The following TP73 variants were observed in gnomAD, a reference collection of about 807,000 sequenced individuals.
The protein encoded by TP73 is tumor protein p73, also known as p53-like transcription factor.
Under a neutral mutation model 62.5 loss-of-function variants are expected in TP73, and 25 were observed. The observed-to-expected ratio is 0.40, with a 90% CI of 0.29 to 0.56. The LOEUF is 0.56. TP73 is among the 20% of genes least tolerant of loss of function. TP73 has a pLI of 0.46. For synonymous variants in TP73, 423 were observed against 377.5 expected, an observed-to-expected ratio of 1.12 and a Z score of -1.40; for missense variants, 754 against 913.3, an observed-to-expected ratio of 0.83 and a Z score of 2.25.
At chr1:3,718,277 C>G (rs1289564143) in intron 4 of TP73, among the ~76,000 whole-genome samples, 1 of 152,226 alleles carries the variant, frequency 6.6e-6, no homozygotes, top group Non-Finnish European at 1.5e-5. Context: ...CTCTTGCAGA[C>G]GGGAGTCCCT....
chr1:3,713,027 C>T (rs552099967), intron 4 of TP73, among the ~76,000 whole-genome samples: 225 of 152,338 alleles, frequency 1.5e-3, no homozygotes, highest in African/African-American at 4.6e-3. Flanking sequence ...GAGGTGCTGA[C>T]ACCTCAGAGG....
chr1:3,730,806 C>A, intron 11 of TP73, 121 bp from the exon 12 acceptor site: 1 of 1,306,286 alleles, frequency 7.7e-7, no homozygotes, highest in Non-Finnish European at 1.0e-6. Flanking sequence ...TGATGCCCAG[C>A]GTCACATCGC....
At position 3,653,185 on chromosome 1, in the gene TP73, T is replaced by G. The variant is rs966358749; in HGVS notation, c.-34+544T>G. ...CGGGGGCCTTGACCCATGGAGTTGGTTACTAAGCGGTTTCGATGGTTTCCC... is the reference window on the plus strand; with the variant it reads ...CGGGGGCCTTGACCCATGGAGTTGGGTACTAAGCGGTTTCGATGGTTTCCC... On this transcript the variant is annotated intron_variant, in intron 1 of 13. Transcript: ENST00000378295. 5.3e-5 allele frequency among the ~76,000 whole-genome samples: 8 copies of G among 152,352 alleles called. No homozygotes were observed. In the East Asian group the frequency reaches 1.5e-3, roughly 29 times the overall value.
At position 3,664,251 on chromosome 1, in the gene TP73, G is replaced by A. The variant is rs571732276; in HGVS notation, c.-34+11610G>A. On this transcript the variant is annotated intron_variant, in intron 1 of 13. Coordinates refer to ENST00000378295, the MANE Select transcript of TP73 (RefSeq NM_005427.4). The stretch of plus-strand genomic sequence containing the variant: ...CAGCCCAGGGTGTGTCCCCCTACCA[G>A]AGGCGCTGCATTGGATAGGAAGGAC... 1.3e-5 allele frequency among the ~76,000 whole-genome samples: 2 copies of A among 152,316 alleles called. 1 individual carries two copies. Among genetic ancestry groups the A allele is most frequent in the South Asian group, 4.1e-4 (2 of 4,830 alleles).
chr1:3,728,497 C>T (rs1280476011), intron 9 of TP73, among the ~76,000 whole-genome samples: 1 of 152,206 alleles, frequency 6.6e-6, no homozygotes, highest in Non-Finnish European at 1.5e-5. Flanking sequence ...TAGGGTGGTG[C>T]GGAGTGCCAC....
chr1:3,664,437 C>T (rs1645067449), intron 1 of TP73, among the ~76,000 whole-genome samples: 2 of 152,168 alleles, frequency 1.3e-5, no homozygotes, highest in South Asian at 4.1e-4. Context: ...CAGGCTGCCC[C>T]TCCTGCAGGA....
At chr1:3,690,840 C>T in intron 3 of TP73, 1 of 1,549,852 alleles carries the variant, frequency 6.5e-7, no homozygotes, top group East Asian at 2.4e-5. Context: ...CTCGGGCCGC[C>T]CAGATCCATG....
rs1642437544 is a variant in TP73 at position 3,736,012 on chromosome 1, A to C, written c.*2933A>C. On this transcript the variant is annotated 3_prime_UTR_variant, in exon 14 of 14. Transcript: ENST00000378295. ...CCAGTTAAAGCACTTTAATGCTTTA[A>C]GGTGAAAACGAAATCCCATCCGTGT... The C allele has an allele frequency of 6.6e-6, 1 of 152,260 alleles. No individual in the cohort carries two copies. Among genetic ancestry groups the C allele is most frequent in the African/African-American group, 2.4e-5 (1 of 41,464 alleles). 9.4% of individuals were successfully genotyped at this position (152,260 alleles called of 1,614,324 possible).
At chr1:3,677,689 CCTTTTTTTT>C (rs1326731515) in intron 1 of TP73, among the ~76,000 whole-genome samples, 4 of 137,224 alleles carry the variant, frequency 2.9e-5, no homozygotes, top group Non-Finnish European at 6.3e-5. Context: ...TCCTTCCTTC[CCTTTTTTTT>C]TTTTTTTTTT....
In TP73 at chr1:3,701,680, T is replaced by G. The variant is rs2124349029; in HGVS notation, c.187-5869T>G. On this transcript the variant is annotated intron_variant, in intron 3 of 13. Transcript: ENST00000378295. This position sits in a 1 kb window ranked among gnomAD's most constrained non-coding sequence, Gnocchi z 4.7. ...CCACCACGCCCAGCTAATTTTTTTTTGTAGTTTTAGTAGAGACGGGGTTTC... is the reference window on the plus strand; with the variant it reads ...CCACCACGCCCAGCTAATTTTTTTTGGTAGTTTTAGTAGAGACGGGGTTTC... Among the ~76,000 whole-genome samples the G allele has an allele frequency of 6.6e-6, 1 of 152,104 alleles. No homozygotes were observed. The highest frequency in any genetic ancestry group is 2.4e-5 in the African/African-American group (1 of 41,458).
chr1:3,726,894 A>C (rs1449780152), intron 6 of TP73, among the ~76,000 whole-genome samples: 1 of 40,652 alleles, frequency 2.5e-5, no homozygotes, highest in African/African-American at 1.0e-4. Flanking sequence ...GAATAGATAA[A>C]TGGGTTCGAT....
At chr1:3,710,701 G>A (rs1015218394) in intron 4 of TP73, among the ~76,000 whole-genome samples, 2 of 152,248 alleles carry the variant, frequency 1.3e-5, no homozygotes, top group Non-Finnish European at 2.9e-5. Flanking sequence ...GGAGGCTGCG[G>A]TTCACAGGTC....
rs184028148 is a variant in TP73, at chr1:3,695,994, A to G, written c.187-11555A>G. On this transcript the variant is annotated intron_variant, in intron 3 of 13. Transcript: ENST00000378295. ...GTAGAACTGCAGCAGAGCAGGGGTGAAAACGCCGCGGTCGGCCGTGGCTGT... is the reference window on the plus strand; with the variant it reads ...GTAGAACTGCAGCAGAGCAGGGGTGGAAACGCCGCGGTCGGCCGTGGCTGT... Among the ~76,000 whole-genome samples the G allele has an allele frequency of 5.3e-5, 8 of 152,328 alleles. No homozygotes were observed. In the East Asian group the frequency reaches 1.5e-3, roughly 29 times the overall value.
intron 3 of TP73, among the ~76,000 whole-genome samples, chr1:3,705,603 G>C (rs1029010004): frequency 7.9e-5 from 12 of 152,252 alleles, no homozygotes; most frequent in Non-Finnish European, 1.3e-4. Flanking sequence ...GCTGTTGGCT[G>C]TCCTGGGCTG....
intron 1 of TP73, among the ~76,000 whole-genome samples, chr1:3,653,899 G>A (rs575531905): frequency 4.1e-4 from 62 of 152,314 alleles, no homozygotes; most frequent in Non-Finnish European, 5.3e-4. Flanking sequence ...GGCTGGGCAC[G>A]GTAGCTCACG....
Position 3,663,360 on chromosome 1 carries a change from C to A in TP73, c.-34+10719C>A. Among the ~76,000 whole-genome samples the A allele has an allele frequency of 1.3e-5, 2 of 152,336 alleles. No homozygotes were observed. Among genetic ancestry groups the A allele is most frequent in the South Asian group, 4.1e-4 (2 of 4,830 alleles). On this transcript the variant is annotated intron_variant, in intron 1 of 13. Coordinates refer to ENST00000378295, the MANE Select transcript of TP73 (RefSeq NM_005427.4). This position sits in a 1 kb window ranked among gnomAD's most constrained non-coding sequence, Gnocchi z 4.7. ...CTTGAGAATGGAACACCCATCGAAC[C>A]GGGGAACTCTGCATATTTTCCTCCT... is the stretch of plus-strand genomic sequence containing the variant.
rs1639202944 is a variant in TP73 at position 3,701,927 on chromosome 1, G to C, written c.187-5622G>C. On this transcript the variant is annotated intron_variant, in intron 3 of 13. Coordinates refer to ENST00000378295, the MANE Select transcript of TP73 (RefSeq NM_005427.4). This position sits in a 1 kb window ranked among gnomAD's most constrained non-coding sequence, Gnocchi z 4.7. The stretch of plus-strand genomic sequence containing the variant: ...CTTGGCCCCAGGACTCCTGACCTCA[G>C]AGCCCTGCTTGGCCCCCCAGGTCCC... Among the ~76,000 whole-genome samples, 1 of 152,200 alleles carries C rather than the reference G, an allele frequency of 6.6e-6. No individual in the cohort carries two copies. Among genetic ancestry groups the C allele is most frequent in the Admixed American group, 6.5e-5 (1 of 15,278 alleles).
chr1:3,735,552 TAGAC>T lies in TP73; in HGVS notation c.*2477_*2480del, dbSNP rs1471930839. 1.3e-5 allele frequency: 2 copies of T among 152,194 alleles called. No individual in the cohort carries two copies. The highest frequency in any genetic ancestry group is 2.9e-5 in the Non-Finnish European group (2 of 68,046). The allele number at this position is 152,194 out of a possible 1,614,324, so 9.4% of individuals were successfully genotyped here. ...TGCACTGGAGAAGCAGCTGTGAAAGTAGACAGAGTTGAGACTTCGCCGTGGTCAG... is the reference window on the plus strand; with the variant it reads ...TGCACTGGAGAAGCAGCTGTGAAAGTAGAGTTGAGACTTCGCCGTGGTCAG... On this transcript the variant is annotated 3_prime_UTR_variant, in exon 14 of 14. Coordinates refer to ENST00000378295, the MANE Select transcript of TP73 (RefSeq NM_005427.4).
Position 3,723,521 on chromosome 1 carries a change from C to T in TP73, c.732+52C>T, listed in dbSNP as rs6424091. ...GGGCCCTGCAGTCAGCTGTACGGGT[C>T]GGGGGAGGGGTCCCCTGAGGCAGCC... is the stretch of plus-strand genomic sequence containing the variant. On this transcript the variant is annotated intron_variant, in intron 6 of 13. Coordinates refer to ENST00000378295, the MANE Select transcript of TP73 (RefSeq NM_005427.4). 415 of 940,234 alleles carry T rather than the reference C, an allele frequency of 4.4e-4. 6 individuals carry two copies. Among genetic ancestry groups the T allele is most frequent in the East Asian group, 4.1e-3 (163 of 39,396 alleles). The allele number at this position is 940,234 out of a possible 1,614,324, so 58.2% of individuals were successfully genotyped here. A position where few individuals can be genotyped will look rare whatever the true frequency, so the allele number is the denominator to read the frequency against.
Sources: gnomAD v4.1 joint callset for allele counts (sites outside exome capture counted in the v4.1 genomes callset) on GRCh38, gnomAD v4.1.1 for gene constraint, Gnocchi (gnomAD v3.1) non-coding constraint, MANE v1.5 for transcripts, NCBI Gene and HGNC (gene_info 2026-07-23, HGNC 2026-07-21) for gene names.